MRAS: variants seen among roughly 807,000 people sequenced by gnomAD.
The protein encoded by MRAS is muscle RAS oncogene homolog, also known as ras-related protein M-Ras.
MRAS carries 4 observed loss-of-function variants against 20.9 expected under a neutral mutation model. The observed-to-expected ratio is 0.19, with a 90% CI of 0.09 to 0.44. MRAS has a LOEUF of 0.44. Ranked by LOEUF, MRAS falls within the 20% of genes least tolerant of loss-of-function variation. MRAS has a pLI of 0.99. For missense variants in MRAS, 154 were observed against 277.5 expected (o/e 0.56, Z 3.16); for synonymous variants, 98 against 102.9 (o/e 0.95, Z 0.29).
chr3:138,389,521 T>C (rs756781672), intron 2 of MRAS, among the ~76,000 whole-genome samples: 10 of 147,424 alleles, frequency 6.8e-5, no homozygotes, highest in Non-Finnish European at 1.5e-4. Context: ...GAAAGGGCAT[T>C]CTAGATGGAA....
chr3:138,363,490 A>G (rs1280865346), intron 1 of MRAS, among the ~76,000 whole-genome samples: 3 of 151,990 alleles, frequency 2.0e-5, no homozygotes, highest in Non-Finnish European at 4.4e-5. Context: ...CTCCTGCATT[A>G]CTTACCCAGT....
In MRAS at chr3:138,402,449, C is replaced by T. The variant is rs113798826; in HGVS notation, c.*180C>T. The T allele has an allele frequency of 0.017, 9,874 of 573,272 alleles. 122 individuals are homozygous for T. The highest frequency in any genetic ancestry group is 0.048 in the Middle Eastern group (100 of 2,092). 35.5% of individuals were successfully genotyped at this position (573,272 alleles called of 1,614,324 possible). Reference sequence around the variant, plus strand: ...TCTGGCTTTGCCCAGAGGGCACGGGCTTTCCCACCTCTCAAAGAGACAAGG... The same window carrying T: ...TCTGGCTTTGCCCAGAGGGCACGGGTTTTCCCACCTCTCAAAGAGACAAGG... On this transcript the variant is annotated 3_prime_UTR_variant, in exon 6 of 6. Coordinates refer to ENST00000423968, the MANE Select transcript of MRAS (RefSeq NM_001085049.3).
At chr3:138,359,554 T>A (rs2054403132) in intron 1 of MRAS, among the ~76,000 whole-genome samples, 1 of 152,234 alleles carries the variant, frequency 6.6e-6, no homozygotes, top group South Asian at 2.1e-4. Context: ...TAATGGTGTC[T>A]AACATCTTAA....
chr3:138,402,644 C>A lies in MRAS; in HGVS notation c.*375C>A. On this transcript the variant is annotated 3_prime_UTR_variant, in exon 6 of 6. Coordinates refer to ENST00000423968, the MANE Select transcript of MRAS (RefSeq NM_001085049.3). Reference sequence around the variant, plus strand: ...TACAAAGTACAAAACAAGCCATGAACAAGCTTCTTTCCCTTACCCCCCATC... The same window carrying A: ...TACAAAGTACAAAACAAGCCATGAAAAAGCTTCTTTCCCTTACCCCCCATC... 1 of 185,536 alleles carries A rather than the reference C, an allele frequency of 5.4e-6. No homozygotes were observed. Among genetic ancestry groups the A allele is most frequent in the Non-Finnish European group, 1.1e-5 (1 of 89,752 alleles). 11.5% of individuals were successfully genotyped at this position (185,536 alleles called of 1,614,324 possible). A position where few individuals can be genotyped will look rare whatever the true frequency, so the allele number is the denominator to read the frequency against.
intron 1 of MRAS, among the ~76,000 whole-genome samples, chr3:138,363,408 G>A (rs943795578): frequency 4.6e-5 from 7 of 152,044 alleles, no homozygotes; most frequent in African/African-American, 9.7e-5. Flanking sequence ...TTAAGACCCC[G>A]TTCTGTGTCA....
intron 1 of MRAS, chr3:138,350,214 G>A (rs184364403): frequency 1.3e-5 from 2 of 152,118 alleles, no homozygotes; most frequent in African/African-American, 4.8e-5. Context: ...TTCTTTTCCC[G>A]GGGAAGAAAC....
intron 1 of MRAS, among the ~76,000 whole-genome samples, chr3:138,353,211 T>A (rs1282680463): frequency 6.6e-6 from 1 of 152,194 alleles, no homozygotes; most frequent in Non-Finnish European, 1.5e-5. Flanking sequence ...GGGAGTTTTT[T>A]AATGGATATT....
At chr3:138,379,407 C>T (rs1441671747) in intron 2 of MRAS, among the ~76,000 whole-genome samples, 1 of 124,874 alleles carries the variant, frequency 8.0e-6, no homozygotes, top group Admixed American at 1.0e-4. Flanking sequence ...ACTTGTTGGG[C>T]AGACTAGAGT....
At chr3:138,363,815 A>C (rs2054500162) in intron 1 of MRAS, among the ~76,000 whole-genome samples, 2 of 70,264 alleles carry the variant, frequency 2.8e-5, no homozygotes, top group African/African-American at 5.7e-5. Flanking sequence ...CTGTTAGAGG[A>C]TTTACCCCCC....
chr3:138,391,009 G>A (rs2055121232), intron 2 of MRAS, among the ~76,000 whole-genome samples: 1 of 152,050 alleles, frequency 6.6e-6, no homozygotes, highest in Non-Finnish European at 1.5e-5. Context: ...CCAAATGCTT[G>A]TCTTTTTTTC....
chr3:138,348,474 G>C (rs140371629), upstream of MRAS: 6,864 of 152,156 alleles, frequency 0.045, 241 homozygotes, highest in Non-Finnish European at 0.066. Flanking sequence ...GGGGCGACAG[G>C]GTCGAGGCAC....
chr3:138,379,357 C>CTTTTT (rs35120152), intron 2 of MRAS, among the ~76,000 whole-genome samples: 44 of 77,608 alleles, frequency 5.7e-4, no homozygotes, highest in East Asian at 1.4e-3. Flanking sequence ...GACAGAATGT[C>CTTTTT]TTTTTTTTTT....
At chr3:138,395,266 A>C (rs1460411296) in intron 2 of MRAS, among the ~76,000 whole-genome samples, 2 of 151,922 alleles carry the variant, frequency 1.3e-5, no homozygotes, top group Admixed American at 1.3e-4. Flanking sequence ...CGAACTCCTG[A>C]CCTCAGGTGA....
intron 2 of MRAS, among the ~76,000 whole-genome samples, chr3:138,388,193 C>T (rs923223706): frequency 2.0e-5 from 3 of 152,150 alleles, no homozygotes; most frequent in African/African-American, 7.2e-5. Flanking sequence ...GCCCTTTTGC[C>T]CAGCACCCAA....
intron 1 of MRAS, among the ~76,000 whole-genome samples, chr3:138,351,374 C>T (rs780071908): frequency 5.9e-5 from 9 of 152,180 alleles, no homozygotes; most frequent in African/African-American, 9.7e-5. Flanking sequence ...GGCTCTGTAC[C>T]TGCCAGGCCC....
Position 138,390,335 on chromosome 3 carries a change from C to T in MRAS, c.194-6989C>T, listed in dbSNP as rs563375786. On this transcript the variant is annotated intron_variant, in intron 2 of 5. Coordinates refer to ENST00000423968, the MANE Select transcript of MRAS (RefSeq NM_001085049.3). ...TCCTCAAGTGGGAGGATTGGAGCAT[C>T]GCAGACAGATGTGCACAACACTGAC... 3.3e-5 allele frequency among the ~76,000 whole-genome samples: 5 copies of T among 152,294 alleles called. No homozygotes were observed. In the South Asian group the frequency reaches 1.0e-3, roughly 32 times the overall value.
chr3:138,377,316 G>T (rs1318293039), intron 2 of MRAS, among the ~76,000 whole-genome samples: 2 of 152,200 alleles, frequency 1.3e-5, no homozygotes, highest in Non-Finnish European at 1.5e-5. Context: ...ATTAAGAAAA[G>T]GAAGACTTGG....
In MRAS at chr3:138,376,807, T is replaced by C. The variant is rs74847302; in HGVS notation, c.193+3731T>C. ...ATTAGAGGTGTAGTGATAGGATACATTGTCCTTAGAGCTTCCCACAGGGGT... is the reference window on the plus strand; with the variant it reads ...ATTAGAGGTGTAGTGATAGGATACACTGTCCTTAGAGCTTCCCACAGGGGT... On this transcript the variant is annotated intron_variant, in intron 2 of 5. Coordinates refer to ENST00000423968, the MANE Select transcript of MRAS (RefSeq NM_001085049.3). Among the ~76,000 whole-genome samples, 52 of 152,304 alleles carry C rather than the reference T, an allele frequency of 3.4e-4. No homozygotes were observed. In the East Asian group the frequency reaches 9.8e-3, roughly 29 times the overall value.
At chr3:138,371,942 CTT>C (rs2054682911) in intron 1 of MRAS, among the ~76,000 whole-genome samples, 1 of 151,960 alleles carries the variant, frequency 6.6e-6, no homozygotes, top group South Asian at 2.1e-4. Context: ...AAAGGTCACT[CTT>C]CACTTCTGTT....
Sources: allele counts gnomAD v4.1 joint callset (sites outside exome capture counted in the v4.1 genomes callset), GRCh38; gene constraint gnomAD v4.1.1; transcripts MANE v1.5; gene names NCBI Gene and HGNC (gene_info 2026-07-23, HGNC 2026-07-21).